The following MACF1 variants were observed in gnomAD, a reference collection of about 807,000 sequenced individuals.
MACF1 encodes the protein microtubule-actin cross-linking factor 1.
In MACF1, 193 loss-of-function variants were observed where a neutral mutation model predicts 854.8. The ratio of observed to expected loss-of-function variants is 0.23; its 90% CI spans 0.20 to 0.25. MACF1 has a LOEUF of 0.25. Among genes scored for constraint, MACF1 ranks in the 10% least tolerant of loss-of-function variants. The pLI is 1.00. For missense variants in MACF1, 7,722 were observed against 8,929.1 expected, an observed-to-expected ratio of 0.86 and a Z score of 5.45; for synonymous variants, 3,185 against 3,226.7, an observed-to-expected ratio of 0.99 and a Z score of 0.44.
At chr1:39,235,460 A>G (rs1644849974) in intron 2 of MACF1, among the ~76,000 whole-genome samples, 2 of 152,176 alleles carry the variant, frequency 1.3e-5, no homozygotes. Context: ...CACACCCTAA[A>G]TTGTTAAGTA....
chr1:39,311,313 C>T (rs1185820519), intron 26 of MACF1, among the ~76,000 whole-genome samples: 1 of 152,138 alleles, frequency 6.6e-6, no homozygotes, highest in Non-Finnish European at 1.5e-5. Context: ...TATTCTATCC[C>T]TTATGTGCCT....
At position 39,388,095 on chromosome 1, in the gene MACF1, G is replaced by C; in HGVS notation, c.15253G>C (p.Asp5085His). 6.2e-7 allele frequency: 1 copy of C among 1,614,148 alleles called. No homozygotes were observed. The highest frequency in any genetic ancestry group is 8.5e-7 in the Non-Finnish European group (1 of 1,180,036). ...GLVEDAPDGS[D>H]ASQLLHQAEV... Reference sequence around the variant, plus strand: ...GGTAGAAGATGCCCCAGATGGATCTGATGCTTCTCAACTTCTCCACCAAGC... The same window carrying C: ...GGTAGAAGATGCCCCAGATGGATCTCATGCTTCTCAACTTCTCCACCAAGC... Residue 5085 changes from aspartate to histidine, a missense_variant, in exon 58 of 101, where the codon GAT (aspartate) becomes CAT (histidine). Asp to His is a moderately conservative substitution (Grantham distance 81). Around this residue, in one of 15 missense-constraint regions of MACF1, gnomAD observed 2,807 missense variants for 3,235.8 expected, o/e 0.87. Transcript: ENST00000564288.
At chr1:39,211,644 A>G (rs1644517773) in intron 1 of MACF1, among the ~76,000 whole-genome samples, 1 of 152,038 alleles carries the variant, frequency 6.6e-6, no homozygotes, top group African/African-American at 2.4e-5. Flanking sequence ...ACATTTTGGG[A>G]GGCTGAGGTG....
At chr1:39,109,001 C>A (rs566236634) in intron 2 of MACF1, among the ~76,000 whole-genome samples, 2 of 152,164 alleles carry the variant, frequency 1.3e-5, no homozygotes, top group Non-Finnish European at 2.9e-5. Flanking sequence ...ATAAAACTTA[C>A]TGCACAGAGG....
Position 39,315,704 on chromosome 1 carries a change from A to C in MACF1, c.3449+13A>C. 1 of 1,611,798 alleles carries C rather than the reference A, an allele frequency of 6.2e-7. No individual in the cohort carries two copies. Among genetic ancestry groups the C allele is most frequent in the Non-Finnish European group, 8.5e-7 (1 of 1,178,972 alleles). ...TATATCTGAATAAGTGAGTGAGCTGAGGTTTTGGGTCCAAGAGCAATATTT... is the reference window on the plus strand; with the variant it reads ...TATATCTGAATAAGTGAGTGAGCTGCGGTTTTGGGTCCAAGAGCAATATTT... On this transcript the variant is annotated intron_variant, in intron 27 of 100. Transcript: ENST00000564288.
chr1:39,484,609 A>G lies in MACF1; in HGVS notation c.22290A>G (p.Pro7430=), dbSNP rs1645071805. 11 of 1,613,396 alleles carry G rather than the reference A, an allele frequency of 6.8e-6. No homozygotes were observed. Among genetic ancestry groups the G allele is most frequent in the East Asian group, 2.2e-5 (1 of 44,870 alleles). Reference sequence around the variant, plus strand: ...TTATTATTTTTTTTAAGGTTATCCCATCATCAGGTAGCAAGTTGAAACGAC... The same window carrying G: ...TTATTATTTTTTTTAAGGTTATCCCGTCATCAGGTAGCAAGTTGAAACGAC... ...DLQLPTPEVI[P]SSGSKLKRPT... The change falls in exon 100 of 101, where the codon CCA becomes CCG. Residue 7430 remains proline, a synonymous_variant. Transcript: ENST00000564288.
At chr1:39,455,896 ATTAG>A (rs1230370293) in intron 89 of MACF1, among the ~76,000 whole-genome samples, 8 of 152,252 alleles carry the variant, frequency 5.3e-5, no homozygotes, top group Admixed American at 5.2e-4. Context: ...GTGAATGTTG[ATTAG>A]TTATACTGTA....
chr1:39,129,789 G>T (rs1642951417), intron 2 of MACF1, among the ~76,000 whole-genome samples: 1 of 152,032 alleles, frequency 6.6e-6, no homozygotes, highest in Non-Finnish European at 1.5e-5. Flanking sequence ...CACATTATTG[G>T]TTAGTTATCA....
intron 2 of MACF1, among the ~76,000 whole-genome samples, chr1:39,241,760 A>G (rs913042881): frequency 1.1e-4 from 16 of 151,820 alleles, no homozygotes; most frequent in African/African-American, 3.9e-4. Flanking sequence ...TAAAATTGAT[A>G]ATCTGTCATT....
chr1:39,393,526 G>A (rs1271419911), intron 58 of MACF1, among the ~76,000 whole-genome samples: 4 of 151,880 alleles, frequency 2.6e-5, no homozygotes, highest in African/African-American at 7.3e-5. Context: ...ATGAACAATG[G>A]GGCCAGGCAC....
At chr1:39,144,681 A>G (rs1399396202) in intron 2 of MACF1, among the ~76,000 whole-genome samples, 1 of 150,338 alleles carries the variant, frequency 6.7e-6, no homozygotes, top group Non-Finnish European at 1.5e-5. Flanking sequence ...AATAGAGACA[A>G]GGTCTCACTA....
intron 58 of MACF1, among the ~76,000 whole-genome samples, chr1:39,422,050 G>A (rs921510675): frequency 6.6e-6 from 1 of 152,032 alleles, no homozygotes; most frequent in African/African-American, 2.4e-5. Flanking sequence ...ACTCCAGCCT[G>A]GGCGACAGAG....
intron 21 of MACF1, chr1:39,298,728 G>T (rs1645976451): frequency 7.6e-6 from 3 of 392,852 alleles, no homozygotes; most frequent in South Asian, 1.9e-5. Context: ...TAATTAATTT[G>T]GAATGAAGGA....
chr1:39,112,825 C>G (rs986371741), intron 2 of MACF1, among the ~76,000 whole-genome samples: 3 of 151,988 alleles, frequency 2.0e-5, no homozygotes, highest in African/African-American at 7.3e-5. Flanking sequence ...CAAATACAAC[C>G]CTCTCTTCTT....
intron 60 of MACF1, among the ~76,000 whole-genome samples, chr1:39,423,622 G>A (rs908566753): frequency 3.8e-5 from 5 of 131,824 alleles, no homozygotes; most frequent in African/African-American, 5.7e-5. Context: ...GAGACAGAGC[G>A]AGACTCTGTC....
intron 90 of MACF1, chr1:39,458,809 G>C: frequency 2.0e-6 from 1 of 492,048 alleles, no homozygotes; most frequent in South Asian, 3.1e-5. Flanking sequence ...AGCTTCTACA[G>C]AATATGTTGC....
Position 39,460,938 on chromosome 1 carries a change from G to T in MACF1, c.21523+144G>T, listed in dbSNP as rs1273579141. 1.9e-5 allele frequency: 17 copies of T among 902,440 alleles called. No individual in the cohort carries two copies. The African/African-American group carries it at 2.2e-4, about 11-fold the overall frequency. The allele number at this position is 902,440 out of a possible 1,614,324, so 55.9% of individuals were successfully genotyped here. Reference sequence around the variant, plus strand: ...GTAATTCCAGCACTTTGGGAGGCAGGTGGCAAAGGCATGGTGGCACACTTG... The same window carrying T: ...GTAATTCCAGCACTTTGGGAGGCAGTTGGCAAAGGCATGGTGGCACACTTG... On this transcript the variant is annotated intron_variant, in intron 92 of 100. Coordinates refer to ENST00000564288, the MANE Select transcript of MACF1 (RefSeq NM_001394062.1). The surrounding 1 kb of genome is among the most constrained non-coding windows in gnomAD (Gnocchi z 4.1).
Position 39,335,590 on chromosome 1 carries a change from A to G in MACF1, c.9002A>G (p.Gln3001Arg), listed in dbSNP as rs1646798329. Residue 3001 changes from glutamine to arginine, a missense_variant, in exon 37 of 101, where the codon CAG (glutamine) becomes CGG (arginine). Gln to Arg is a conservative substitution (Grantham distance 43). This residue lies in a region of MACF1 where 854 missense variants were observed against 852.6 expected (regional missense o/e 1.00). Coordinates refer to ENST00000564288, the MANE Select transcript of MACF1 (RefSeq NM_001394062.1). ...PAFLSEEKLY[Q>R]ETAIRDEHDS... is the part of the protein sequence containing the mutation. The stretch of plus-strand genomic sequence containing the variant: ...TTTCTTTCTGAAGAAAAGTTGTATC[A>G]GGAAACTGCCATTAGAGATGAGCAT... The G allele has an allele frequency of 1.9e-6, 3 of 1,614,210 alleles. No individual in the cohort carries two copies. Among genetic ancestry groups the G allele is most frequent in the Non-Finnish European group, 1.7e-6 (2 of 1,180,028 alleles).
chr1:39,238,142 C>G (rs1173402104), intron 2 of MACF1, among the ~76,000 whole-genome samples: 1 of 152,182 alleles, frequency 6.6e-6, no homozygotes, highest in African/African-American at 2.4e-5. Flanking sequence ...TCCCTGTCAT[C>G]TCTTAGATGA....
Sources: gnomAD v4.1 joint callset for allele counts (sites outside exome capture counted in the v4.1 genomes callset) on GRCh38, gnomAD v4.1.1 for gene constraint, gnomAD v4.1.1 regional missense constraint, Gnocchi (gnomAD v3.1) non-coding constraint, MANE v1.5 for transcripts, NCBI Gene and HGNC (gene_info 2026-07-23, HGNC 2026-07-21) for gene names.